The following RNF123 variants were observed in gnomAD, a reference collection of about 807,000 sequenced individuals.
RNF123 encodes the protein ring finger protein 123.
In RNF123, 86 loss-of-function variants were observed where a neutral mutation model predicts 168.5. The observed-to-expected ratio is 0.51, with a 90% CI of 0.43 to 0.61. The LOEUF is 0.61. RNF123 is among the 20% of genes least tolerant of loss of function. The pLI, the probability that RNF123 is intolerant of heterozygous loss-of-function variation, is 0.00. For synonymous variants in RNF123, 666 were observed against 689.1 expected (o/e 0.97, Z 0.52); for missense variants, 1,419 against 1,729.7 (o/e 0.82, Z 3.19).
chr3:49,707,080 TGAGGAAGCGCAGTTTCTG>T (rs2108191400), intron 26 of RNF123, among the ~76,000 whole-genome samples, 182 bp downstream of exon 26: 1 of 152,306 alleles, frequency 6.6e-6, no homozygotes, highest in East Asian at 1.9e-4. Flanking sequence ...CTCTGTGGAC[TGAGGAAGCGCAGTTTCTG>T]GACCTCCAGT....
At position 49,720,788 on chromosome 3, in the gene RNF123, A is replaced by G; in HGVS notation, c.3644-12A>G. ...AGCTACCTCTGACTTGACACTACCTACCACTCCCCAGATGCGGATTATATC... is the reference window on the plus strand; with the variant it reads ...AGCTACCTCTGACTTGACACTACCTGCCACTCCCCAGATGCGGATTATATC... On this transcript the variant is annotated splice_polypyrimidine_tract_variant and intron_variant, in intron 36 of 38. Transcript: ENST00000327697. The G allele has an allele frequency of 1.2e-5, 19 of 1,613,896 alleles. No homozygotes were observed. Among genetic ancestry groups the G allele is most frequent in the Non-Finnish European group, 1.5e-5 (18 of 1,179,886 alleles).
chr3:49,709,227 G>C (rs975156723), intron 26 of RNF123, among the ~76,000 whole-genome samples: 2 of 151,978 alleles, frequency 1.3e-5, no homozygotes, highest in Admixed American at 6.6e-5. Flanking sequence ...TGCCTCCCAG[G>C]TTCAAGCAAT....
chr3:49,697,515 C>A, intron 5 of RNF123, 58 bp downstream of exon 5: 1 of 1,371,492 alleles, frequency 7.3e-7, no homozygotes, highest in Non-Finnish European at 1.0e-6. Flanking sequence ...TAGCCCCAGG[C>A]TCCTCCTGAT....
chr3:49,705,259 A>G lies in RNF123; in HGVS notation c.2158+77A>G, dbSNP rs578178665. ...ACAGTCCCCGATCCGGGCAAAGCCA[A>G]AATACACCCCATGCCCTCCCAGCCC... On this transcript the variant is annotated intron_variant, in intron 23 of 38. Transcript: ENST00000327697. 21 of 1,494,226 alleles carry G rather than the reference A, an allele frequency of 1.4e-5. No homozygotes were observed. The African/African-American group carries it at 2.6e-4, about 19-fold the overall frequency. The allele number at this position is 1,494,226 out of a possible 1,614,324, so 92.6% of individuals were successfully genotyped here. A position where few individuals can be genotyped will look rare whatever the true frequency, so the allele number is the denominator to read the frequency against.
At chr3:49,701,722 C>T in intron 16 of RNF123, 89 bp from the exon 17 acceptor site, 1 of 1,468,520 alleles carries the variant, frequency 6.8e-7, no homozygotes, top group Non-Finnish European at 9.4e-7. Context: ...CCCTGAAGCC[C>T]TGGAGATGGA....
chr3:49,701,369 A>G, intron 15 of RNF123, 122 bp from the exon 16 acceptor site: 1 of 773,056 alleles, frequency 1.3e-6, no homozygotes, highest in Admixed American at 2.0e-5. Context: ...TAGCAGCAAC[A>G]TGCCCCTGTG....
chr3:49,721,168 C>T lies in RNF123; in HGVS notation c.3825-17C>T, dbSNP rs2080397412. The T allele has an allele frequency of 1.2e-6, 2 of 1,614,042 alleles. No individual in the cohort carries two copies. Among genetic ancestry groups the T allele is most frequent in the African/African-American group, 2.7e-5 (2 of 74,928 alleles). ...TAGGTACATGCAGGGCAGTCCTCAT[C>T]CCCTCCCCTGTTGTAGAGCCTGTAT... On this transcript the variant is annotated splice_polypyrimidine_tract_variant and intron_variant, in intron 38 of 38. Transcript: ENST00000327697.
At chr3:49,719,063 G>A (rs1295190451) in intron 35 of RNF123, 1 of 1,613,822 alleles carries the variant, frequency 6.2e-7, no homozygotes, top group East Asian at 2.2e-5. Flanking sequence ...AGCTTCTCCA[G>A]CGCCCCCAGC....
rs749936720 is a variant in RNF123, at chr3:49,720,559, A to T, written c.3549A>T (p.Leu1183=). The change falls in exon 36 of 39, where the codon CTA becomes CTT. Residue 1183 remains leucine, a synonymous_variant. Transcript: ENST00000327697. ...TCCTGGCAGATCCCTGCTTCCAGCT[A>T]CGCTCAATATGCTATCTCCTGGGAC... ...SVLLADPCFQ[L]RSICYLLGQP... 16 of 1,611,240 alleles carry T rather than the reference A, an allele frequency of 9.9e-6. No individual in the cohort carries two copies. Among genetic ancestry groups the T allele is most frequent in the Non-Finnish European group, 1.1e-5 (13 of 1,178,284 alleles).
Position 49,721,117 on chromosome 3 carries a change from C to G in RNF123, c.3824+12C>G. ...CACAAGTCCTGCAAGTAAGTGGGCC[C>G]CACAGCTTGGTGGTGGGGAGAGCAG... On this transcript the variant is annotated intron_variant, in intron 38 of 38. Coordinates refer to ENST00000327697, the MANE Select transcript of RNF123 (RefSeq NM_022064.5). The G allele has an allele frequency of 6.2e-7, 1 of 1,613,932 alleles. No homozygotes were observed.
chr3:49,717,826 C>A, intron 35 of RNF123: 2 of 1,058,652 alleles, frequency 1.9e-6, no homozygotes. Context: ...TTTCGAGGCC[C>A]ATACAGGAAG....
intron 35 of RNF123, chr3:49,719,545 G>A (rs2080340954): frequency 1.6e-6 from 2 of 1,234,938 alleles, no homozygotes; most frequent in Admixed American, 2.3e-5. Context: ...GCTCTAGTGC[G>A]ACATGGGTGG....
chr3:49,719,106 C>G (rs746560357), intron 35 of RNF123: 1 of 1,613,430 alleles, frequency 6.2e-7, no homozygotes, highest in South Asian at 1.1e-5. Flanking sequence ...GCGCCCGCAA[C>G]GTGTTAGATG....
intron 26 of RNF123, among the ~76,000 whole-genome samples, chr3:49,712,080 C>T (rs567435695): frequency 1.3e-5 from 2 of 152,232 alleles, no homozygotes; most frequent in African/African-American, 2.4e-5. Flanking sequence ...CAAAAATTAG[C>T]CGAGCGCGGT....
intron 3 of RNF123, among the ~76,000 whole-genome samples, chr3:49,691,752 T>C (rs569821669): frequency 6.6e-6 from 1 of 152,332 alleles, no homozygotes; most frequent in South Asian, 2.1e-4. Flanking sequence ...CGGGTGCACA[T>C]TCATGCCCAG....
Position 49,720,483 on chromosome 3 carries a change from GACTGCCCTTGC to G in RNF123, c.3501-25_3501-15del, listed in dbSNP as rs1380010176. On this transcript the variant is annotated splice_polypyrimidine_tract_variant and intron_variant, in intron 35 of 38. Transcript: ENST00000327697. ...CTTTTAGCCAGGCCCCAAGCCTTCT[GACTGCCCTTGC>G]ACCCTCCCCTACCTAGGAGAGAGCA... The G allele has an allele frequency of 6.6e-7, 1 of 1,519,834 alleles. No individual in the cohort carries two copies. The highest frequency in any genetic ancestry group is 8.8e-7 in the Non-Finnish European group (1 of 1,132,314). The allele number at this position is 1,519,834 out of a possible 1,614,324, so 94.1% of individuals were successfully genotyped here.
intron 3 of RNF123, among the ~76,000 whole-genome samples, chr3:49,693,757 GC>G: frequency 6.6e-6 from 1 of 152,228 alleles, no homozygotes; most frequent in Middle Eastern, 3.4e-3. Flanking sequence ...CCACAACCTC[GC>G]CAGCATTTGT....
chr3:49,715,520 G>A (rs2080223130), intron 31 of RNF123, 55 bp from the exon 32 acceptor site: 1 of 1,607,304 alleles, frequency 6.2e-7, no homozygotes, highest in Non-Finnish European at 8.5e-7. Context: ...GAGGCAAACA[G>A]GCAGAGGCCA....
intron 26 of RNF123, 101 bp downstream of exon 26, chr3:49,706,999 C>T: frequency 1.2e-6 from 1 of 854,352 alleles, no homozygotes; most frequent in Non-Finnish European, 2.0e-6. Context: ...TCTCAGGCCT[C>T]TGGCACACAC....
Sources: allele counts gnomAD v4.1 joint callset (sites outside exome capture counted in the v4.1 genomes callset), GRCh38; gene constraint gnomAD v4.1.1; transcripts MANE v1.5; gene names NCBI Gene and HGNC (gene_info 2026-07-23, HGNC 2026-07-21).